NCKAP5: variants seen among roughly 807,000 people sequenced by gnomAD.
The protein encoded by NCKAP5 is nck-associated protein 5.
A neutral mutation model predicts 167.0 loss-of-function variants in NCKAP5; 92 were observed. That is an observed-to-expected ratio of 0.55 (90% CI 0.47 to 0.66). The LOEUF is 0.66. NCKAP5 is among the 30% of genes least tolerant of loss of function. NCKAP5 has a pLI of 0.00. For missense variants in NCKAP5, 2,378 were observed against 2,315.0 expected (o/e 1.03, Z -0.56); for synonymous variants, 891 against 877.4 (o/e 1.02, Z -0.27).
At chr2:133,202,939 G>C (rs1006350632) in intron 5 of NCKAP5, among the ~76,000 whole-genome samples, 54 of 152,132 alleles carry the variant, frequency 3.5e-4, no homozygotes, top group Non-Finnish European at 5.9e-4. Context: ...TACACTGTTG[G>C]TGGGACTGTA....
At chr2:132,827,736 G>A (rs542334309) in intron 11 of NCKAP5, among the ~76,000 whole-genome samples, 1 of 152,254 alleles carries the variant, frequency 6.6e-6, no homozygotes, top group Admixed American at 6.5e-5. Context: ...ACACTAAAAA[G>A]TTCATAGGAT....
At chr2:132,953,406 C>T (rs2076250931) in intron 8 of NCKAP5, among the ~76,000 whole-genome samples, 1 of 152,186 alleles carries the variant, frequency 6.6e-6, no homozygotes, top group South Asian at 2.1e-4. Flanking sequence ...TGTCTTGGTG[C>T]TCCACTGAGC....
At chr2:132,905,798 C>A (rs79907232) in intron 8 of NCKAP5, among the ~76,000 whole-genome samples, 1,533 of 152,266 alleles carry the variant, frequency 0.01, 14 homozygotes, top group African/African-American at 0.035. Flanking sequence ...CACCTTACTG[C>A]ACTCTTTATC....
the NCKAP5 span, among the ~76,000 whole-genome samples, chr2:133,576,068 T>C: frequency 6.6e-6 from 1 of 152,178 alleles, no homozygotes; most frequent in African/African-American, 2.4e-5. Context: ...AAAGTCACAG[T>C]AGGCCTAAAA....
At chr2:133,229,554 G>A (rs147407460) in intron 4 of NCKAP5, among the ~76,000 whole-genome samples, 1,673 of 152,234 alleles carry the variant, frequency 0.011, 33 homozygotes, top group African/African-American at 0.036. Flanking sequence ...AGTACTTTAC[G>A]TTAGTTATTA....
chr2:133,384,631 A>G (rs1686793746), intron 3 of NCKAP5, among the ~76,000 whole-genome samples: 2 of 152,168 alleles, frequency 1.3e-5, no homozygotes, highest in African/African-American at 2.4e-5. Context: ...CATTGAATCT[A>G]TAAATTACCT....
At chr2:133,523,046 T>C (rs1684601632) in intron 2 of NCKAP5, among the ~76,000 whole-genome samples, 1 of 152,024 alleles carries the variant, frequency 6.6e-6, no homozygotes, top group South Asian at 2.1e-4. Flanking sequence ...CACCCATCTC[T>C]AGCTAGTGAA....
intron 3 of NCKAP5, among the ~76,000 whole-genome samples, chr2:133,380,372 A>C (rs1421408653): frequency 1.3e-5 from 2 of 152,184 alleles, no homozygotes; most frequent in Admixed American, 1.3e-4. Context: ...AATGTTATAA[A>C]TAACTAACTA....
At chr2:132,677,058 C>A (rs1304034399) in intron 19 of NCKAP5, among the ~76,000 whole-genome samples, 1 of 152,130 alleles carries the variant, frequency 6.6e-6, no homozygotes, top group East Asian at 1.9e-4. Context: ...TAATGATAGA[C>A]CCGGTGAAGA....
intron 6 of NCKAP5, among the ~76,000 whole-genome samples, chr2:133,125,260 C>T (rs570121417): frequency 4.2e-4 from 63 of 149,362 alleles, no homozygotes; most frequent in African/African-American, 1.5e-3. Context: ...TTCAACTCAA[C>T]GTACCCCACC....
At chr2:133,467,537 G>A (rs1355735500) in intron 3 of NCKAP5, among the ~76,000 whole-genome samples, 1 of 150,224 alleles carries the variant, frequency 6.7e-6, no homozygotes, top group African/African-American at 2.4e-5. Flanking sequence ...AATGAGTTAG[G>A]GAGGATTCCC....
At chr2:133,558,112 T>G (rs1166763531) in intron 2 of NCKAP5, 1 of 152,290 alleles carries the variant, frequency 6.6e-6, no homozygotes, top group African/African-American at 2.4e-5. Flanking sequence ...TTCAGATTAC[T>G]CTCCACTCTA....
At chr2:133,076,286 A>G (rs989419369) in intron 6 of NCKAP5, among the ~76,000 whole-genome samples, 1 of 152,128 alleles carries the variant, frequency 6.6e-6, no homozygotes, top group African/African-American at 2.4e-5. Flanking sequence ...AAATACCTAT[A>G]CTGTATGTCC....
At chr2:133,211,150 C>T (rs2086197790) in intron 5 of NCKAP5, among the ~76,000 whole-genome samples, 1 of 152,112 alleles carries the variant, frequency 6.6e-6, no homozygotes, top group Non-Finnish European at 1.5e-5. Context: ...CCCCAGACAT[C>T]CCCATGGTAA....
intron 11 of NCKAP5, among the ~76,000 whole-genome samples, chr2:132,853,469 C>G (rs1293829522): frequency 2.0e-5 from 3 of 152,074 alleles, no homozygotes; most frequent in Non-Finnish European, 4.4e-5. Context: ...TTATGTAAAG[C>G]CAGCCACATA....
At chr2:133,323,181 G>T (rs1682181896) in intron 3 of NCKAP5, among the ~76,000 whole-genome samples, 1 of 152,078 alleles carries the variant, frequency 6.6e-6, no homozygotes, top group Non-Finnish European at 1.5e-5. Context: ...TTATTTAATT[G>T]ATATCATTTA....
chr2:132,914,021 T>C (rs1356243217), intron 8 of NCKAP5, among the ~76,000 whole-genome samples: 2 of 152,184 alleles, frequency 1.3e-5, no homozygotes, highest in African/African-American at 4.8e-5. Flanking sequence ...AGTAAACATA[T>C]AGTTAAAACT....
chr2:133,453,348 T>G (rs1326812257), intron 3 of NCKAP5, among the ~76,000 whole-genome samples: 1 of 152,156 alleles, frequency 6.6e-6, no homozygotes, highest in Non-Finnish European at 1.5e-5. Context: ...CCAATAGTTT[T>G]AGACAGAACT....
intron 5 of NCKAP5, among the ~76,000 whole-genome samples, chr2:133,185,006 T>C (rs1488396064): frequency 6.6e-6 from 1 of 152,162 alleles, no homozygotes; most frequent in African/African-American, 2.4e-5. Context: ...TGCTTTTGCT[T>C]TTGGGGTCTT....
Sources: gnomAD v4.1 joint callset for allele counts (sites outside exome capture counted in the v4.1 genomes callset) on GRCh38, gnomAD v4.1.1 for gene constraint, MANE v1.5 for transcripts, NCBI Gene and HGNC (gene_info 2026-07-23, HGNC 2026-07-21) for gene names.